Variants in UBE2G1 observed in about 807,000 individuals in gnomAD.
UBE2G1 encodes the protein ubiquitin conjugating enzyme E2 G1, also known as ubiquitin-conjugating enzyme E2 G1.
Under a neutral mutation model 22.7 loss-of-function variants are expected in UBE2G1, and 5 were observed. The observed-to-expected ratio is 0.22, with a 90% CI of 0.12 to 0.46. UBE2G1 has a LOEUF of 0.46. UBE2G1 is among the 20% of genes least tolerant of loss of function. UBE2G1 has a pLI of 0.99. For missense variants in UBE2G1, 88 were observed against 203.9 expected, an observed-to-expected ratio of 0.43 and a Z score of 3.46; for synonymous variants, 74 against 67.5, an observed-to-expected ratio of 1.10 and a Z score of -0.47.
In UBE2G1 at chr17:4,343,866, C is replaced by T. The variant is rs1307040681; in HGVS notation, c.46+22405G>A. Among the ~76,000 whole-genome samples, 5 of 152,068 alleles carry T rather than the reference C, an allele frequency of 3.3e-5. No individual in the cohort carries two copies. In the East Asian group the frequency reaches 9.7e-4, roughly 30 times the overall value. ...TCTCCCAAAGTGCTGGGATTACAGGCGTGAGCCACCGCGCCCAGCCTCAAA... is the reference window on the plus strand; with the variant it reads ...TCTCCCAAAGTGCTGGGATTACAGGTGTGAGCCACCGCGCCCAGCCTCAAA... On this transcript the variant is annotated intron_variant, in intron 1 of 5. Coordinates refer to ENST00000396981, the MANE Select transcript of UBE2G1 (RefSeq NM_003342.5).
Position 4,305,777 on chromosome 17 carries a change from G to A in UBE2G1, c.149+1244C>T, listed in dbSNP as rs144155981. Among the ~76,000 whole-genome samples the A allele has an allele frequency of 2.9e-3, 443 of 152,072 alleles. 1 individual carries two copies. Among genetic ancestry groups the A allele is most frequent in the African/African-American group, 0.01 (416 of 41,488 alleles). On this transcript the variant is annotated intron_variant, in intron 2 of 5. Coordinates refer to ENST00000396981, the MANE Select transcript of UBE2G1 (RefSeq NM_003342.5). ...GGCTGGTCTTGAACTCCTGACCACA[G>A]GTGATCCACACGCCTCAGCCTCCCA...
intron 3 of UBE2G1, among the ~76,000 whole-genome samples, chr17:4,295,251 A>G (rs1481268280): frequency 6.6e-6 from 1 of 152,272 alleles, no homozygotes; most frequent in East Asian, 1.9e-4. Flanking sequence ...TGCCCGCATC[A>G]TGCAGGAATA....
At chr17:4,289,193 G>A (rs752402755) in intron 4 of UBE2G1, 37 bp downstream of exon 4, 1 of 1,473,810 alleles carries the variant, frequency 6.8e-7, no homozygotes, top group Non-Finnish European at 9.0e-7. Context: ...TATTACAAGG[G>A]AAAGTGAAGG....
At chr17:4,325,656 C>A (rs185655005) in intron 1 of UBE2G1, among the ~76,000 whole-genome samples, 3 of 152,078 alleles carry the variant, frequency 2.0e-5, no homozygotes, top group Non-Finnish European at 4.4e-5. Context: ...CCCAAATTGC[C>A]GAAACATTCT....
intron 4 of UBE2G1, among the ~76,000 whole-genome samples, chr17:4,283,917 G>A (rs1160189394): frequency 6.6e-6 from 1 of 152,116 alleles, no homozygotes; most frequent in Non-Finnish European, 1.5e-5. Flanking sequence ...TTGGGAGGCC[G>A]AGGCAGGACC....
At chr17:4,301,057 A>G (rs895563655) in intron 2 of UBE2G1, among the ~76,000 whole-genome samples, 3 of 152,184 alleles carry the variant, frequency 2.0e-5, no homozygotes, top group Non-Finnish European at 2.9e-5. Context: ...GAGTTAAATT[A>G]TAAAAATCTT....
intron 2 of UBE2G1, among the ~76,000 whole-genome samples, chr17:4,305,078 G>A (rs1346708379): frequency 6.6e-6 from 1 of 151,140 alleles, no homozygotes; most frequent in East Asian, 1.9e-4. Context: ...TCAGCCTCCC[G>A]AGTAGCTGGG....
At chr17:4,303,101 T>C (rs1184245997) in intron 2 of UBE2G1, among the ~76,000 whole-genome samples, 1 of 152,214 alleles carries the variant, frequency 6.6e-6, no homozygotes, top group African/African-American at 2.4e-5. Flanking sequence ...ACATTCCCTT[T>C]CCTGGTAGGG....
At chr17:4,348,272 G>C (rs1969803602) in intron 1 of UBE2G1, among the ~76,000 whole-genome samples, 2 of 152,062 alleles carry the variant, frequency 1.3e-5, no homozygotes, top group Admixed American at 6.5e-5. Flanking sequence ...GAAAAAAATA[G>C]GCCGGGCGCG....
At position 4,282,669 on chromosome 17, in the gene UBE2G1, T is replaced by C. The variant is rs577716768; in HGVS notation, c.*37+129A>G. 6 of 626,466 alleles carry C rather than the reference T, an allele frequency of 9.6e-6. No homozygotes were observed. The African/African-American group carries it at 1.1e-4, about 12-fold the overall frequency. The allele number at this position is 626,466 out of a possible 1,614,324, so 38.8% of individuals were successfully genotyped here. The stretch of plus-strand genomic sequence containing the variant: ...TATACAGTAGTTTTGAGAACGAGAC[T>C]ACAGGATAATACCATTAAAAAATGA... On this transcript the variant is annotated intron_variant, in intron 5 of 5. Coordinates refer to ENST00000396981, the MANE Select transcript of UBE2G1 (RefSeq NM_003342.5).
intron 1 of UBE2G1, among the ~76,000 whole-genome samples, chr17:4,361,213 ACT>A (rs758567544): frequency 2.7e-5 from 4 of 147,860 alleles, no homozygotes; most frequent in African/African-American, 7.5e-5. Context: ...ACAGAACAAG[ACT>A]CTGTGTTGGG....
At chr17:4,316,943 A>AAT (rs1555521518) in intron 1 of UBE2G1, among the ~76,000 whole-genome samples, 4 of 151,194 alleles carry the variant, frequency 2.6e-5, no homozygotes, top group African/African-American at 4.9e-5. Context: ...TTGAATAAAA[A>AAT]AAAAAAAAAA....
chr17:4,329,838 T>C (rs1969550459), intron 1 of UBE2G1, among the ~76,000 whole-genome samples: 2 of 151,700 alleles, frequency 1.3e-5, no homozygotes, highest in Non-Finnish European at 2.9e-5. Context: ...TTTTTTTTTT[T>C]AGATTTATAG....
Position 4,352,142 on chromosome 17 carries a change from T to C in UBE2G1, c.46+14129A>G, listed in dbSNP as rs182721288. Among the ~76,000 whole-genome samples the C allele has an allele frequency of 8.7e-4, 133 of 152,298 alleles. 1 individual carries two copies. The highest frequency in any genetic ancestry group is 3.4e-3 in the Middle Eastern group (1 of 294). On this transcript the variant is annotated intron_variant, in intron 1 of 5. Transcript: ENST00000396981. The stretch of plus-strand genomic sequence containing the variant: ...AAAAAGTGACAAAATCAAAGGATCA[T>C]ATGACCCCACAGGCTCCCCAGGACC...
intron 1 of UBE2G1, among the ~76,000 whole-genome samples, chr17:4,328,974 C>T (rs147027646): frequency 1.9e-4 from 28 of 151,148 alleles, no homozygotes; most frequent in Non-Finnish European, 2.7e-4. Flanking sequence ...GGCGTGGTGG[C>T]GGACGCCTGT....
At chr17:4,336,101 C>A (rs1969642459) in intron 1 of UBE2G1, among the ~76,000 whole-genome samples, 1 of 152,064 alleles carries the variant, frequency 6.6e-6, no homozygotes, top group African/African-American at 2.4e-5. Flanking sequence ...AGCCCGAGAT[C>A]ATGCCACTGC....
chr17:4,353,812 ATTTT>A (rs11437680), intron 1 of UBE2G1, among the ~76,000 whole-genome samples: 2 of 104,846 alleles, frequency 1.9e-5, no homozygotes, highest in Non-Finnish European at 3.6e-5. Flanking sequence ...GCCCGGTCAA[ATTTT>A]TTTTTTTTTT....
intron 1 of UBE2G1, among the ~76,000 whole-genome samples, chr17:4,350,644 T>C (rs1387282013): frequency 6.6e-6 from 1 of 152,198 alleles, no homozygotes; most frequent in Non-Finnish European, 1.5e-5. Context: ...AATTTATCTA[T>C]TTAAATCACT....
chr17:4,276,693 C>T (rs1011165383), intron 5 of UBE2G1, among the ~76,000 whole-genome samples: 9 of 152,076 alleles, frequency 5.9e-5, no homozygotes, highest in South Asian at 2.1e-4. Flanking sequence ...TGCTGAGTTA[C>T]GCAATCCGTA....
Sources: allele counts gnomAD v4.1 joint callset (sites outside exome capture counted in the v4.1 genomes callset), GRCh38; gene constraint gnomAD v4.1.1; transcripts MANE v1.5; gene names NCBI Gene and HGNC (gene_info 2026-07-23, HGNC 2026-07-21).